PLCH1: variants seen among roughly 807,000 people sequenced by gnomAD.
PLCH1 encodes phospholipase C eta 1.
A neutral mutation model predicts 126.7 loss-of-function variants in PLCH1; 60 were observed. The ratio of observed to expected loss-of-function variants is 0.47; its 90% CI spans 0.38 to 0.59. The LOEUF (loss-of-function observed/expected upper bound fraction) is 0.59, where lower values mean the gene tolerates loss of function less well. PLCH1 is among the 20% of genes least tolerant of loss of function. PLCH1 has a pLI of 0.00. For synonymous variants in PLCH1, 719 were observed against 734.9 expected (o/e 0.98, Z 0.35); for missense variants, 1,723 against 2,040.0 (o/e 0.84, Z 2.99).
intron 13 of PLCH1, among the ~76,000 whole-genome samples, chr3:155,502,694 A>G (rs1718079856): frequency 6.6e-6 from 1 of 152,204 alleles, no homozygotes; most frequent in Non-Finnish European, 1.5e-5. Context: ...TTTCATGGTT[A>G]TCATACCATA....
At chr3:155,630,102 C>T (rs1737852209) in intron 2 of PLCH1, among the ~76,000 whole-genome samples, 3 of 152,136 alleles carry the variant, frequency 2.0e-5, no homozygotes, top group South Asian at 2.1e-4. Flanking sequence ...TGTGCCTAGA[C>T]GAATGCCTGC....
At chr3:155,457,059 G>A (rs1712463678) in intron 21 of PLCH1, 1 of 152,358 alleles carries the variant, frequency 6.6e-6, no homozygotes, top group Non-Finnish European at 1.5e-5. Context: ...AAACACGGCT[G>A]TTGCTCTGCC....
chr3:155,632,270 T>C (rs1738141923), intron 2 of PLCH1, among the ~76,000 whole-genome samples: 1 of 152,218 alleles, frequency 6.6e-6, no homozygotes, highest in Non-Finnish European at 1.5e-5. Context: ...CAGAATACTC[T>C]ATTCCTACCC....
intron 2 of PLCH1, among the ~76,000 whole-genome samples, chr3:155,596,896 A>C (rs185277664): frequency 1.3e-5 from 2 of 152,234 alleles, no homozygotes; most frequent in African/African-American, 4.8e-5. Flanking sequence ...ATTTCTGTAA[A>C]TGTAATCAGA....
intron 2 of PLCH1, among the ~76,000 whole-genome samples, chr3:155,630,441 C>A (rs755802961): frequency 1.3e-5 from 2 of 152,202 alleles, no homozygotes; most frequent in African/African-American, 4.8e-5. Flanking sequence ...AGTGGAGTCA[C>A]CCAGCTGGCT....
intron 3 of PLCH1, 41 bp downstream of exon 3, chr3:155,596,191 A>T (rs757006602): frequency 6.5e-7 from 1 of 1,531,440 alleles, no homozygotes; most frequent in Non-Finnish European, 9.0e-7. Flanking sequence ...CCCGTGTGTT[A>T]CTATGTCCAG....
At position 155,583,569 on chromosome 3, in the gene PLCH1, A is replaced by C. The variant is rs758633208; in HGVS notation, c.674T>G (p.Leu225Trp). The change falls in exon 6 of 23, where the codon TTG becomes TGG. Residue 225 changes from leucine (L) to tryptophan (W), a missense_variant. Transcript: ENST00000460012. ...EFCVFYKMMS[L>W]RRDLYLLLLS... is the part of the protein sequence containing the mutation. ...AAGTAACAAATAAAGGTCTCGTCTCAAAGACATCATTTTGTAAAAAACACA... is the reference window on the plus strand; with the variant it reads ...AAGTAACAAATAAAGGTCTCGTCTCCAAGACATCATTTTGTAAAAAACACA... 3.1e-6 allele frequency: 5 copies of C among 1,604,014 alleles called. No homozygotes were observed. The highest frequency in any genetic ancestry group is 3.5e-5 in the Admixed American group (2 of 57,180).
chr3:155,648,741 C>A (rs1481511547), intron 2 of PLCH1, among the ~76,000 whole-genome samples: 2 of 152,144 alleles, frequency 1.3e-5, no homozygotes, highest in African/African-American at 2.4e-5. Context: ...CATGGTAAGG[C>A]ACAGCAGGAT....
At chr3:155,524,939 T>A (rs1371462560) in intron 10 of PLCH1, among the ~76,000 whole-genome samples, 1 of 151,846 alleles carries the variant, frequency 6.6e-6, no homozygotes, top group Non-Finnish European at 1.5e-5. Context: ...ATGACTTGAG[T>A]CCAGGAGGTT....
chr3:155,600,495 G>T lies in PLCH1; in HGVS notation c.80-4117C>A, dbSNP rs535935224. Among the ~76,000 whole-genome samples, 19 of 152,070 alleles carry T rather than the reference G, an allele frequency of 1.2e-4. No homozygotes were observed. In the East Asian group the frequency reaches 3.7e-3, roughly 29 times the overall value. On this transcript the variant is annotated intron_variant, in intron 2 of 22. Coordinates refer to ENST00000460012, the MANE Select transcript of PLCH1 (RefSeq NM_014996.4). ...ATCACACACATTTCCAGTATTGAAG[G>T]TTCTCTGAGAAAAGTCTGCAAATGC...
chr3:155,640,137 G>T (rs1276779671), intron 2 of PLCH1, among the ~76,000 whole-genome samples: 5 of 152,218 alleles, frequency 3.3e-5, no homozygotes, highest in African/African-American at 7.2e-5. Flanking sequence ...TTGTGGGAAA[G>T]ACATCTAAAC....
chr3:155,526,489 TACACACACACACAC>T (rs35144196), intron 10 of PLCH1, among the ~76,000 whole-genome samples: 140 of 126,666 alleles, frequency 1.1e-3, no homozygotes, highest in Middle Eastern at 4.1e-3. Flanking sequence ...CTCTCTCTCA[TACACACACACACAC>T]ACACACACAC....
Position 155,512,032 on chromosome 3 carries a change from A to T in PLCH1, c.1632+2691T>A, listed in dbSNP as rs1248308071. Among the ~76,000 whole-genome samples the T allele has an allele frequency of 3.3e-5, 5 of 150,938 alleles. No individual in the cohort carries two copies. The East Asian group carries it at 9.9e-4, about 30-fold the overall frequency. ...CCGTGGGCGTAGGACCCTCTGAGCC[A>T]GGTGTGGGATATAGTCTCGTGGTGC... On this transcript the variant is annotated intron_variant, in intron 12 of 22. Transcript: ENST00000460012.
chr3:155,741,686 T>TTTATTTTTTTTTTA (rs1283892898), intron 1 of PLCH1, among the ~76,000 whole-genome samples: 1 of 124,550 alleles, frequency 8.0e-6, no homozygotes, highest in Non-Finnish European at 1.8e-5. Flanking sequence ...TATATCCTCT[T>TTTATTTTTTTTTTA]TTTTTTTTTT....
chr3:155,483,528 C>A (rs961448648), intron 22 of PLCH1, among the ~76,000 whole-genome samples: 2 of 152,026 alleles, frequency 1.3e-5, no homozygotes, highest in African/African-American at 4.8e-5. Flanking sequence ...ATAATAATAT[C>A]ATTTTCAAAA....
At position 155,680,076 on chromosome 3, in the gene PLCH1, A is replaced by AAAAT. The variant is rs546702965; in HGVS notation, c.79+24066_79+24069dup. Among the ~76,000 whole-genome samples, 584 of 152,288 alleles carry AAAAT rather than the reference A, an allele frequency of 3.8e-3. 2 individuals carry two copies. Among genetic ancestry groups the AAAAT allele is most frequent in the Admixed American group, 6.9e-3 (106 of 15,284 alleles). On this transcript the variant is annotated intron_variant, in intron 2 of 22. Coordinates refer to ENST00000460012, the MANE Select transcript of PLCH1 (RefSeq NM_014996.4). ...GCATAGAAACACAGAAATGCTTTAA[A>AAAAT]AAATAAATAAATAAATAAAAATAGT... is the stretch of plus-strand genomic sequence containing the variant.
intron 21 of PLCH1, among the ~76,000 whole-genome samples, chr3:155,458,862 T>C (rs1468934641): frequency 6.6e-6 from 1 of 152,258 alleles, no homozygotes; most frequent in East Asian, 1.9e-4. Context: ...ATTATAATAC[T>C]CTACCTTGTA....
At chr3:155,633,435 CACACACACACACAA>C (rs1264213312) in intron 2 of PLCH1, among the ~76,000 whole-genome samples, 1 of 122,200 alleles carries the variant, frequency 8.2e-6, no homozygotes, top group Non-Finnish European at 1.7e-5. Context: ...CACACACACA[CACACACACACACAA>C]ACATAAACAC....
At chr3:155,456,352 A>AT (rs397688383) in intron 21 of PLCH1, among the ~76,000 whole-genome samples, 1 of 150,984 alleles carries the variant, frequency 6.6e-6, no homozygotes. Flanking sequence ...AAAAAAAAAA[A>AT]TCTCATAATG....
Sources: allele counts gnomAD v4.1 joint callset (sites outside exome capture counted in the v4.1 genomes callset), GRCh38; gene constraint gnomAD v4.1.1; transcripts MANE v1.5; gene names NCBI Gene and HGNC (gene_info 2026-07-23, HGNC 2026-07-21).